Variants in MALRD1 observed in about 807,000 individuals in gnomAD.
MALRD1 encodes MAM and LDL-receptor class A domain-containing protein 1.
Under a neutral mutation model 242.1 loss-of-function variants are expected in MALRD1, and 247 were observed. That is an observed-to-expected ratio of 1.02 (90% CI 0.92 to 1.13). The LOEUF is 1.13. MALRD1 is among the 50% of genes most tolerant of loss of function. The pLI, the probability that MALRD1 is intolerant of heterozygous loss-of-function variation, is 0.00. For synonymous variants in MALRD1, 995 were observed against 866.6 expected (o/e 1.15, Z -2.60); for missense variants, 2,989 against 2,533.1 (o/e 1.18, Z -3.86).
chr10:19,410,722 A>T (rs1477156703), intron 28 of MALRD1, among the ~76,000 whole-genome samples: 5 of 131,944 alleles, frequency 3.8e-5, no homozygotes, highest in African/African-American at 1.5e-4. Flanking sequence ...GTGAGGACCT[A>T]CTTTAGGAAG....
At chr10:19,728,175 A>C (rs1166192827) in intron 38 of MALRD1, among the ~76,000 whole-genome samples, 1 of 152,220 alleles carries the variant, frequency 6.6e-6, no homozygotes, top group Non-Finnish European at 1.5e-5. Context: ...AGGATTTGCC[A>C]TTCCTCACCT....
chr10:19,602,175 C>T (rs1365919808), intron 34 of MALRD1, among the ~76,000 whole-genome samples: 6 of 130,184 alleles, frequency 4.6e-5, no homozygotes, highest in Admixed American at 2.3e-4. Flanking sequence ...TTTTTTTGTC[C>T]GTCTTTGCAG....
intron 36 of MALRD1, among the ~76,000 whole-genome samples, chr10:19,650,013 T>A (rs1387177991): frequency 6.6e-6 from 1 of 152,206 alleles, no homozygotes; most frequent in Non-Finnish European, 1.5e-5. Flanking sequence ...TTTTGTCATA[T>A]GCTCAAAGAA....
At chr10:19,061,319 T>G (rs776994971) in intron 1 of MALRD1, among the ~76,000 whole-genome samples, 6 of 152,196 alleles carry the variant, frequency 3.9e-5, no homozygotes, top group Non-Finnish European at 8.8e-5. Context: ...GTCCATAGAT[T>G]GGAAGATTTA....
In MALRD1 at chr10:19,615,799, C is replaced by G; in HGVS notation, c.6071-58C>G. The G allele has an allele frequency of 5.5e-6, 7 of 1,268,154 alleles. No homozygotes were observed. The South Asian group carries it at 9.6e-5, about 17-fold the overall frequency. The allele number at this position is 1,268,154 out of a possible 1,614,324, so 78.6% of individuals were successfully genotyped here. On this transcript the variant is annotated intron_variant, in intron 35 of 39. Coordinates refer to ENST00000454679, the MANE Select transcript of MALRD1 (RefSeq NM_001142308.3). ...ATGTAATGACAAATAGTGATATCTT[C>G]TTCTTCCTCCTAATACTATTTATAA...
chr10:19,619,215 C>T (rs554418937), intron 36 of MALRD1, among the ~76,000 whole-genome samples: 1 of 152,082 alleles, frequency 6.6e-6, no homozygotes, highest in South Asian at 2.1e-4. Context: ...AACCTATTTG[C>T]CCAGAGGATG....
chr10:19,456,524 C>T (rs993043384), intron 29 of MALRD1, among the ~76,000 whole-genome samples: 1 of 151,282 alleles, frequency 6.6e-6, no homozygotes, highest in Non-Finnish European at 1.5e-5. Flanking sequence ...AAAGTTCACA[C>T]ACAAATAAAT....
intron 26 of MALRD1, among the ~76,000 whole-genome samples, chr10:19,367,738 A>T (rs1845168741): frequency 6.6e-6 from 1 of 151,988 alleles, no homozygotes; most frequent in African/African-American, 2.4e-5. Context: ...AGTGTATAAG[A>T]GTTCTCTTTT....
chr10:19,083,304 T>C (rs10826925), intron 2 of MALRD1, among the ~76,000 whole-genome samples: 28,044 of 151,994 alleles, frequency 0.18, 3,012 homozygotes, highest in Non-Finnish European at 0.25. Flanking sequence ...CCTGCTTTCA[T>C]AGAGCCTCAA....
chr10:19,398,457 A>G (rs553587363), intron 28 of MALRD1, among the ~76,000 whole-genome samples: 24 of 152,268 alleles, frequency 1.6e-4, no homozygotes, highest in African/African-American at 5.3e-4. Context: ...GGCGTGATGA[A>G]CATAAATGAT....
intron 18 of MALRD1, among the ~76,000 whole-genome samples, chr10:19,216,810 G>T (rs577224432): frequency 6.6e-6 from 1 of 151,876 alleles, no homozygotes; most frequent in Non-Finnish European, 1.5e-5. Context: ...GCTGGGCGTG[G>T]TGGTGCGTGC....
chr10:19,320,449 T>C (rs1231850514), intron 21 of MALRD1, among the ~76,000 whole-genome samples: 1 of 152,168 alleles, frequency 6.6e-6, no homozygotes, highest in Non-Finnish European at 1.5e-5. Flanking sequence ...ATGTGCCAAA[T>C]TTTCTTTATC....
At chr10:19,337,071 G>A (rs1307472440) in intron 24 of MALRD1, among the ~76,000 whole-genome samples, 1 of 151,862 alleles carries the variant, frequency 6.6e-6, no homozygotes, top group Non-Finnish European at 1.5e-5. Flanking sequence ...TATATTGTGT[G>A]TATATATTTG....
chr10:19,397,427 T>A (rs1846632154), intron 28 of MALRD1, among the ~76,000 whole-genome samples: 1 of 152,210 alleles, frequency 6.6e-6, no homozygotes, highest in Admixed American at 6.5e-5. Context: ...TTCATTTTTT[T>A]AATGGATGAG....
chr10:19,212,274 T>C (rs1837104534), intron 18 of MALRD1, among the ~76,000 whole-genome samples: 1 of 152,208 alleles, frequency 6.6e-6, no homozygotes, highest in African/African-American at 2.4e-5. Context: ...ACCACCGAAC[T>C]GCTTTCTGTC....
chr10:19,372,709 C>T (rs760747650), intron 26 of MALRD1, among the ~76,000 whole-genome samples: 132 of 152,180 alleles, frequency 8.7e-4, no homozygotes, highest in Non-Finnish European at 4.3e-4. Context: ...CTCAAGTGTT[C>T]CACCTGCCTC....
intron 29 of MALRD1, among the ~76,000 whole-genome samples, chr10:19,469,362 T>A (rs1397406623): frequency 1.3e-5 from 2 of 152,124 alleles, no homozygotes; most frequent in Non-Finnish European, 2.9e-5. Flanking sequence ...TCTTCTTGAC[T>A]TTTTTAGTTT....
chr10:19,138,050 A>G (rs1207834872), intron 10 of MALRD1, among the ~76,000 whole-genome samples: 1 of 152,212 alleles, frequency 6.6e-6, no homozygotes, highest in Non-Finnish European at 1.5e-5. Flanking sequence ...TTCTCTTGGG[A>G]AGCTTGGATT....
intron 13 of MALRD1, among the ~76,000 whole-genome samples, chr10:19,172,665 G>GA (rs1564442136): frequency 6.6e-6 from 1 of 150,752 alleles, no homozygotes; most frequent in Non-Finnish European, 1.5e-5. Context: ...TCAAACTGTC[G>GA]TTTTTTTTCC....
Sources: allele counts gnomAD v4.1 joint callset (sites outside exome capture counted in the v4.1 genomes callset), GRCh38; gene constraint gnomAD v4.1.1; transcripts MANE v1.5; gene names NCBI Gene and HGNC (gene_info 2026-07-23, HGNC 2026-07-21).